The following KCNG2 variants were observed in gnomAD, a reference collection of about 807,000 sequenced individuals.
The protein encoded by KCNG2 is voltage-gated potassium channel regulatory subunit KCNG2.
A neutral mutation model predicts 12.3 loss-of-function variants in KCNG2; 7 were observed. The ratio of observed to expected loss-of-function variants is 0.57; its 90% CI spans 0.32 to 1.07. KCNG2 has a LOEUF of 1.07. Ranked by LOEUF, KCNG2 falls within the 50% of genes least tolerant of loss-of-function variation. The probability of loss-of-function intolerance (pLI) is 0.04; values close to 1 mark genes in which losing one functional copy is unlikely to be tolerated. For synonymous variants in KCNG2, 414 were observed against 351.4 expected (o/e 1.18, Z -1.99); for missense variants, 703 against 726.0 (o/e 0.97, Z 0.36).
chr18:79,825,601 ACAT>A (rs1185746674), intron 1 of KCNG2, among the ~76,000 whole-genome samples: 5 of 152,244 alleles, frequency 3.3e-5, no homozygotes, highest in African/African-American at 1.2e-4. Context: ...CTGTCGGTGA[ACAT>A]CAACTTGACT....
intron 1 of KCNG2, among the ~76,000 whole-genome samples, chr18:79,854,797 G>GC (rs1978954050): frequency 6.6e-6 from 1 of 152,176 alleles, no homozygotes; most frequent in Non-Finnish European, 1.5e-5. Context: ...ACAGGTGTGA[G>GC]CCACCGTGCC....
chr18:79,824,812 T>C (rs544948049), intron 1 of KCNG2, among the ~76,000 whole-genome samples: 14 of 152,230 alleles, frequency 9.2e-5, no homozygotes, highest in Non-Finnish European at 1.8e-4. Context: ...TGGAACAAAT[T>C]CTACTTTGTC....
chr18:79,798,606 C>T (rs1004597457), intron 1 of KCNG2, among the ~76,000 whole-genome samples: 5 of 152,226 alleles, frequency 3.3e-5, no homozygotes, highest in Non-Finnish European at 5.9e-5. Flanking sequence ...ACTCTGCCTC[C>T]TCCGACCAGC....
chr18:79,891,396 A>G (rs1337190906), intron 3 of KCNG2, among the ~76,000 whole-genome samples: 1 of 151,998 alleles, frequency 6.6e-6, no homozygotes, highest in African/African-American at 2.4e-5. Flanking sequence ...ACACCCAGCT[A>G]ATTTTTGTAT....
chr18:79,845,229 AT>A (rs1978583535), intron 1 of KCNG2, among the ~76,000 whole-genome samples: 1 of 152,248 alleles, frequency 6.6e-6, no homozygotes, highest in South Asian at 2.1e-4. Context: ...TATTATGACG[AT>A]GAAGAACAGA....
chr18:79,825,512 A>G (rs995523274), intron 1 of KCNG2, among the ~76,000 whole-genome samples: 1 of 152,208 alleles, frequency 6.6e-6, no homozygotes, highest in Admixed American at 6.5e-5. Flanking sequence ...TCTTCATAAA[A>G]AATAGCTTTA....
chr18:79,805,165 C>T (rs2087439542), intron 1 of KCNG2, among the ~76,000 whole-genome samples: 1 of 152,136 alleles, frequency 6.6e-6, no homozygotes, highest in Admixed American at 6.5e-5. Context: ...CTTTGCATAT[C>T]GTCAAAAGTT....
intron 1 of KCNG2, among the ~76,000 whole-genome samples, chr18:79,840,406 A>G (rs1255146324): frequency 6.6e-6 from 1 of 152,220 alleles, no homozygotes; most frequent in Non-Finnish European, 1.5e-5. Flanking sequence ...GAGTCTAGCA[A>G]TACACATATA....
At chr18:79,864,945 G>A (rs1202761376) in intron 3 of KCNG2, among the ~76,000 whole-genome samples, 3 of 151,092 alleles carry the variant, frequency 2.0e-5, no homozygotes, top group African/African-American at 4.9e-5. Context: ...AGAAGTTTGG[G>A]TGCTGAGTTC....
chr18:79,820,474 C>T (rs1385003593), intron 1 of KCNG2, among the ~76,000 whole-genome samples: 1 of 152,182 alleles, frequency 6.6e-6, no homozygotes, highest in East Asian at 1.9e-4. Flanking sequence ...GTCTGTCTTT[C>T]TTATTACAGC....
At chr18:79,868,459 T>C (rs962881232) in intron 3 of KCNG2, among the ~76,000 whole-genome samples, 2 of 152,210 alleles carry the variant, frequency 1.3e-5, no homozygotes, top group Non-Finnish European at 1.5e-5. Context: ...GTCCGAGCGT[T>C]GCAGCTGCTG....
At chr18:79,892,021 A>G (rs1253622233) in intron 3 of KCNG2, among the ~76,000 whole-genome samples, 1 of 151,232 alleles carries the variant, frequency 6.6e-6, no homozygotes, top group Non-Finnish European at 1.5e-5. Context: ...AGGCTGAGGC[A>G]GGAGAATCAC....
intron 1 of KCNG2, among the ~76,000 whole-genome samples, chr18:79,826,461 T>C (rs976510393): frequency 1.3e-5 from 2 of 150,852 alleles, no homozygotes; most frequent in Non-Finnish European, 2.9e-5. Context: ...CGTTACGTCA[T>C]TACGTTCAGT....
At chr18:79,898,219 C>T (rs115744585) in intron 3 of KCNG2, among the ~76,000 whole-genome samples, 4,835 of 152,276 alleles carry the variant, frequency 0.032, 277 homozygotes, top group African/African-American at 0.11. Flanking sequence ...TCATCTCCCT[C>T]CAGGCAGGAA....
At chr18:79,898,877 C>A (rs1260787881) in intron 3 of KCNG2, among the ~76,000 whole-genome samples, 163 bp from the exon 4 acceptor site, 2 of 152,248 alleles carry the variant, frequency 1.3e-5, no homozygotes, top group African/African-American at 2.4e-5. Flanking sequence ...CTGGGTTTTT[C>A]CAACAGGAAC....
intron 3 of KCNG2, 64 bp downstream of exon 3, chr18:79,864,355 CG>C: frequency 1.2e-5 from 1 of 80,354 alleles, no homozygotes; most frequent in South Asian, 1.2e-4. Context: ...ATCTGGGCTG[CG>C]GGGAGGTGGG....
At chr18:79,888,401 ACGGCGGCGTCCTCCT>A in intron 3 of KCNG2, among the ~76,000 whole-genome samples, 2 of 151,372 alleles carry the variant, frequency 1.3e-5, no homozygotes, top group Middle Eastern at 3.4e-3. Flanking sequence ...TGGGGCCGGG[ACGGCGGCGTCCTCCT>A]CATGAGGCCG....
chr18:79,899,714 C>G lies in KCNG2; in HGVS notation c.1299C>G (p.Ser433Arg), dbSNP rs2123143198. 1 of 1,604,616 alleles carries G rather than the reference C, an allele frequency of 6.2e-7. No individual in the cohort carries two copies. Among genetic ancestry groups the G allele is most frequent in the East Asian group, 2.3e-5 (1 of 44,396 alleles). ...ASPEPALQEDSTHSATATEDS... is the reference protein window; with the variant it reads ...ASPEPALQEDRTHSATATEDS... The stretch of plus-strand genomic sequence containing the variant: ...CCGAGCCGGCCCTGCAGGAGGACAG[C>G]ACGCACTCGGCCACAGCCACCGAGG... Residue 433 changes from serine (S) to arginine (R), a missense_variant, in exon 4 of 4, where the codon AGC (serine) becomes AGG (arginine). Physicochemically the swap from Ser to Arg is moderately radical, Grantham distance 110. Transcript: ENST00000316249.
Position 79,899,443 on chromosome 18 carries a change from C to G in KCNG2, c.1028C>G (p.Ala343Gly), listed in dbSNP as rs1411273771. Residue 343 changes from alanine (A) to glycine (G), a missense_variant, in exon 4 of 4, where the codon GCC (alanine) becomes GGC (glycine). Ala to Gly is a moderately conservative substitution (Grantham distance 60, BLOSUM62 0). Coordinates refer to ENST00000316249, the MANE Select transcript of KCNG2 (RefSeq NM_012283.2). ...CTCTTCGCGCCACTGGTGCACCTGG[C>G]CGAGCGCGAGCTGGGCGCGCGCCGC... Reference protein sequence around the residue: ...MALFAPLVHLAERELGARRDF... With the variant: ...MALFAPLVHLGERELGARRDF... 6.3e-6 allele frequency: 10 copies of G among 1,596,152 alleles called. No homozygotes were observed. Among genetic ancestry groups the G allele is most frequent in the African/African-American group, 1.4e-5 (1 of 73,744 alleles).
Sources: gnomAD v4.1 joint callset for allele counts (sites outside exome capture counted in the v4.1 genomes callset) on GRCh38, gnomAD v4.1.1 for gene constraint, MANE v1.5 for transcripts, NCBI Gene and HGNC (gene_info 2026-07-23, HGNC 2026-07-21) for gene names.